Variants in CACNA1S observed in about 807,000 individuals in gnomAD.
CACNA1S encodes the protein calcium voltage-gated channel subunit alpha1 S, also known as voltage-dependent L-type calcium channel subunit alpha-1S.
Under a neutral mutation model 207.4 loss-of-function variants are expected in CACNA1S, and 126 were observed. The ratio of observed to expected loss-of-function variants is 0.61; its 90% CI spans 0.53 to 0.70. CACNA1S has a LOEUF of 0.70. Among genes scored for constraint, CACNA1S ranks in the 30% least tolerant of loss-of-function variants. CACNA1S has a pLI of 0.00. For missense variants in CACNA1S, 2,349 were observed against 2,422.8 expected (o/e 0.97, Z 0.64); for synonymous variants, 960 against 932.7 (o/e 1.03, Z -0.53).
At position 201,040,602 on chromosome 1, in the gene CACNA1S, C is replaced by A. The variant is rs768778778; in HGVS notation, c.5226+20G>T. On this transcript the variant is annotated intron_variant, in intron 42 of 43. Coordinates refer to ENST00000362061, the MANE Select transcript of CACNA1S (RefSeq NM_000069.3). ...AGGGTCTCTGTATGGAGTTTGCTCCCAGGCCTCTGCCACTGTTACCTGGCA... is the reference window on the plus strand; with the variant it reads ...AGGGTCTCTGTATGGAGTTTGCTCCAAGGCCTCTGCCACTGTTACCTGGCA... 3 of 1,608,380 alleles carry A rather than the reference C, an allele frequency of 1.9e-6. No individual in the cohort carries two copies. The highest frequency in any genetic ancestry group is 2.6e-6 in the Non-Finnish European group (3 of 1,175,344).
intron 43 of CACNA1S, 37 bp downstream of exon 43, chr1:201,040,194 C>T (rs1287241033): frequency 1.9e-6 from 3 of 1,612,412 alleles, no homozygotes; most frequent in Non-Finnish European, 2.5e-6. Flanking sequence ...GGCCACCACT[C>T]AATGCAGCCA....
At position 201,091,792 on chromosome 1, in the gene CACNA1S, C is replaced by G. The variant is rs1046958622; in HGVS notation, c.542G>C (p.Ser181Thr). The G allele has an allele frequency of 4.3e-6, 7 of 1,613,228 alleles. No individual in the cohort carries two copies. In the African/African-American group the frequency reaches 9.3e-5, roughly 22 times the overall value. The change falls in exon 5 of 44, where the codon AGC (serine) becomes ACC (threonine). Residue 181 changes from serine to threonine, a missense_variant and splice_region_variant. Physicochemically the swap from Ser to Thr is moderately conservative, Grantham distance 58. Transcript: ENST00000362061. ...GATGGAGTTCAGGACCACCTGCAGGCCTGCAGAGGCAGGCAGGGAAGGGAA... is the reference window on the plus strand; with the variant it reads ...GATGGAGTTCAGGACCACCTGCAGGGCTGCAGAGGCAGGCAGGGAAGGGAA... ...RPLRLVSGVP[S>T]LQVVLNSIFK...
intron 1 of CACNA1S, among the ~76,000 whole-genome samples, chr1:201,111,922 T>TCCTCCTCTTCTTCCTCCTCCCCCAC (rs367644559): frequency 4.7e-5 from 1 of 21,230 alleles, no homozygotes. Flanking sequence ...TTCCTCTTCC[T>TCCTCCTCTTCTTCCTCCTCCCCCAC]CCTCCTCCTC....
At chr1:201,040,115 T>C (rs367780126) in intron 43 of CACNA1S, 33 bp from the exon 44 acceptor site, 26 of 1,612,966 alleles carry the variant, frequency 1.6e-5, no homozygotes, top group Non-Finnish European at 2.1e-5. Context: ...AGTGGGGTCT[T>C]CCTGGGGAGC....
At chr1:201,072,605 G>T (rs1661464562) in intron 16 of CACNA1S, 150 bp downstream of exon 16, 4 of 723,164 alleles carry the variant, frequency 5.5e-6, no homozygotes, top group South Asian at 4.2e-5. Flanking sequence ...TGGCTTATTT[G>T]CACAGAAGGG....
intron 1 of CACNA1S, among the ~76,000 whole-genome samples, chr1:201,111,246 T>C (rs1433280451): frequency 6.6e-6 from 1 of 152,090 alleles, no homozygotes; most frequent in Admixed American, 6.5e-5. Flanking sequence ...CCCACGTTTC[T>C]CTTGTCCTTC....
intron 24 of CACNA1S, among the ~76,000 whole-genome samples, chr1:201,061,728 C>G (rs1558062585): frequency 6.6e-6 from 1 of 152,234 alleles, no homozygotes; most frequent in South Asian, 2.1e-4. Flanking sequence ...GAGGCATACA[C>G]CTATGGGGGA....
chr1:201,059,101 A>G, intron 27 of CACNA1S, 88 bp downstream of exon 27: 3 of 829,640 alleles, frequency 3.6e-6, no homozygotes, highest in Non-Finnish European at 6.1e-6. Flanking sequence ...GAGCCCTGAT[A>G]GGATGAGGGA....
chr1:201,099,477 T>C (rs1250481143), intron 2 of CACNA1S, among the ~76,000 whole-genome samples: 1 of 152,202 alleles, frequency 6.6e-6, no homozygotes, highest in African/African-American at 2.4e-5. Context: ...AAAATCTCCT[T>C]CTTTAGGTTC....
intron 38 of CACNA1S, among the ~76,000 whole-genome samples, chr1:201,045,033 G>A (rs1412753915): frequency 4.6e-5 from 7 of 152,200 alleles, no homozygotes; most frequent in African/African-American, 1.4e-4. Flanking sequence ...AGGCTTCCAG[G>A]TTGAGAAGTG....
chr1:201,062,684 G>A (rs182041492), intron 22 of CACNA1S, among the ~76,000 whole-genome samples, 170 bp from the exon 23 acceptor site: 1 of 152,374 alleles, frequency 6.6e-6, no homozygotes, highest in Admixed American at 6.5e-5. Context: ...CCTTGGGGCA[G>A]GGCCCCAGAG....
At chr1:201,087,126 A>G (rs146976463) in intron 7 of CACNA1S, among the ~76,000 whole-genome samples, 2 of 152,178 alleles carry the variant, frequency 1.3e-5, no homozygotes, top group African/African-American at 4.8e-5. Flanking sequence ...GACTGGTCTC[A>G]AAGAGAACAG....
intron 18 of CACNA1S, 81 bp downstream of exon 18, chr1:201,069,391 G>T: frequency 6.3e-7 from 1 of 1,576,262 alleles, no homozygotes. Flanking sequence ...GCCACATAGA[G>T]GATACAGCTG....
intron 23 of CACNA1S, 90 bp downstream of exon 23, chr1:201,062,372 G>C: frequency 7.5e-7 from 1 of 1,327,642 alleles, no homozygotes; most frequent in East Asian, 2.3e-5. Flanking sequence ...CCCCGTGACC[G>C]TAACCCTCCC....
chr1:201,047,382 G>A, intron 37 of CACNA1S, 143 bp from the exon 38 acceptor site: 2 of 1,282,702 alleles, frequency 1.6e-6, no homozygotes, highest in South Asian at 1.2e-5. Flanking sequence ...TTTCCATCCT[G>A]AGGTTGGATG....
intron 10 of CACNA1S, among the ~76,000 whole-genome samples, chr1:201,081,111 C>T (rs950842766): frequency 6.6e-6 from 1 of 152,152 alleles, no homozygotes; most frequent in African/African-American, 2.4e-5. Context: ...GCAGACTTTC[C>T]AGGGCCCTGG....
Position 201,066,599 on chromosome 1 carries a change from C to A in CACNA1S, c.2658-283G>T, listed in dbSNP as rs1034119608. Among the ~76,000 whole-genome samples the A allele has an allele frequency of 6.6e-6, 1 of 152,214 alleles. No individual in the cohort carries two copies. Among genetic ancestry groups the A allele is most frequent in the Non-Finnish European group, 1.5e-5 (1 of 68,034 alleles). On this transcript the variant is annotated intron_variant, in intron 20 of 43. Coordinates refer to ENST00000362061, the MANE Select transcript of CACNA1S (RefSeq NM_000069.3). This position sits in a 1 kb window ranked among gnomAD's most constrained non-coding sequence, Gnocchi z 4.3. ...TCCGTCCCTCCCGTCAGACGGTGAGCACCCCAAAGGCAGGGGCTGTGCTCC... is the reference window on the plus strand; with the variant it reads ...TCCGTCCCTCCCGTCAGACGGTGAGAACCCCAAAGGCAGGGGCTGTGCTCC...
chr1:201,071,845 C>G (rs1262143604), intron 16 of CACNA1S, among the ~76,000 whole-genome samples: 3 of 152,210 alleles, frequency 2.0e-5, no homozygotes, highest in African/African-American at 7.2e-5. Context: ...TCCATTCTCC[C>G]CATACTTCAC....
At position 201,041,410 on chromosome 1, in the gene CACNA1S, C is replaced by A. The variant is rs1054522601; in HGVS notation, c.5134+94G>T. On this transcript the variant is annotated intron_variant, in intron 41 of 43. Coordinates refer to ENST00000362061, the MANE Select transcript of CACNA1S (RefSeq NM_000069.3). ...GTAACAGGCTCCCAAGCCAGCCCTC[C>A]CAGCCAAGTTCCCAGACTCTAAGAA... 34 of 968,086 alleles carry A rather than the reference C, an allele frequency of 3.5e-5. 1 individual carries two copies. The Admixed American group carries it at 6.5e-4, about 19-fold the overall frequency. The allele number at this position is 968,086 out of a possible 1,614,324, so 60.0% of individuals were successfully genotyped here. A position where few individuals can be genotyped will look rare whatever the true frequency, so the allele number is the denominator to read the frequency against.
Sources: allele counts gnomAD v4.1 joint callset (sites outside exome capture counted in the v4.1 genomes callset), GRCh38; gene constraint gnomAD v4.1.1; non-coding constraint Gnocchi (gnomAD v3.1); transcripts MANE v1.5; gene names NCBI Gene and HGNC (gene_info 2026-07-23, HGNC 2026-07-21).